The following ABTB3 variants were observed in gnomAD, a reference collection of about 807,000 sequenced individuals.
The protein encoded by ABTB3 is ankyrin repeat and BTB domain containing 3.
the ABTB3 span, among the ~76,000 whole-genome samples, chr12:107,609,641 GAAGT>G: frequency 1.5e-4 from 23 of 152,132 alleles, no homozygotes; most frequent in Admixed American, 1.4e-3. Context: ...CTTGCTCTCA[GAAGT>G]CCCCAGCCTA....
the ABTB3 span, among the ~76,000 whole-genome samples, chr12:107,596,571 CA>C: frequency 6.6e-6 from 1 of 152,104 alleles, no homozygotes; most frequent in South Asian, 2.1e-4. Context: ...GCTGAGATCG[CA>C]CTACCACACT....
chr12:107,640,172 T>C, the ABTB3 span: 5 of 556,248 alleles, frequency 9.0e-6, no homozygotes, highest in Non-Finnish European at 1.6e-5. Context: ...TCCTGTCTGC[T>C]GTTTGGTTGC....
the ABTB3 span, among the ~76,000 whole-genome samples, chr12:107,327,506 C>T: frequency 1.3e-5 from 2 of 152,174 alleles, no homozygotes; most frequent in Non-Finnish European, 2.9e-5. Flanking sequence ...CTTCTCTTTC[C>T]CTAGTACCTT....
the ABTB3 span, among the ~76,000 whole-genome samples, chr12:107,609,392 T>C: frequency 6.6e-6 from 1 of 152,252 alleles, no homozygotes; most frequent in Non-Finnish European, 1.5e-5. Context: ...CTTGATTCCA[T>C]TGATTCTCCT....
At chr12:107,327,810 G>A in the ABTB3 span, among the ~76,000 whole-genome samples, 6 of 152,108 alleles carry the variant, frequency 3.9e-5, no homozygotes, top group East Asian at 1.9e-4. Context: ...GAATCCTAAC[G>A]TCTTAGTGGC....
At chr12:107,328,731 G>A in the ABTB3 span, among the ~76,000 whole-genome samples, 1 of 152,210 alleles carries the variant, frequency 6.6e-6, no homozygotes, top group African/African-American at 2.4e-5. Flanking sequence ...CTACAAAGTG[G>A]TTGAGTTGGG....
the ABTB3 span, among the ~76,000 whole-genome samples, chr12:107,467,453 C>T: frequency 6.6e-6 from 1 of 152,160 alleles, no homozygotes; most frequent in African/African-American, 2.4e-5. Flanking sequence ...ACAGCCTTGG[C>T]ACCTTCTTGT....
the ABTB3 span, among the ~76,000 whole-genome samples, chr12:107,391,999 T>C: frequency 6.6e-6 from 1 of 152,240 alleles, no homozygotes; most frequent in Non-Finnish European, 1.5e-5. Context: ...GCTTGTTAGC[T>C]GTGCAGTCGA....
At chr12:107,361,836 A>G in the ABTB3 span, among the ~76,000 whole-genome samples, 1 of 152,242 alleles carries the variant, frequency 6.6e-6, no homozygotes, top group Middle Eastern at 3.4e-3. Context: ...ATTTTCCTCC[A>G]TGTGAGAGTA....
chr12:107,608,118 C>A, the ABTB3 span, among the ~76,000 whole-genome samples: 1 of 152,170 alleles, frequency 6.6e-6, no homozygotes, highest in Non-Finnish European at 1.5e-5. Context: ...GACACACCTG[C>A]CTCTGGGCAA....
chr12:107,637,129 G>T, the ABTB3 span, among the ~76,000 whole-genome samples: 1 of 152,204 alleles, frequency 6.6e-6, no homozygotes, highest in African/African-American at 2.4e-5. Context: ...CAGCCATTTT[G>T]CTAAGTGCTC....
the ABTB3 span, among the ~76,000 whole-genome samples, chr12:107,574,268 TCTCCTGGACCTGTGACCCCTTTTC>T: frequency 6.6e-6 from 1 of 152,180 alleles, no homozygotes; most frequent in African/African-American, 2.4e-5. Context: ...TATTCCATTG[TCTCCTGGACCTGTGACCCCTTTTC>T]CTCCCCAACT....
the ABTB3 span, among the ~76,000 whole-genome samples, chr12:107,431,384 G>A: frequency 6.6e-6 from 1 of 152,154 alleles, no homozygotes; most frequent in Admixed American, 6.5e-5. Flanking sequence ...GCCAAGGCAG[G>A]CAGATCATGA....
At chr12:107,539,909 C>G in the ABTB3 span, among the ~76,000 whole-genome samples, 1 of 152,204 alleles carries the variant, frequency 6.6e-6, no homozygotes, top group African/African-American at 2.4e-5. Context: ...CCATCTGCAG[C>G]TGCCCTTATG....
chr12:107,319,351 C>T, the ABTB3 span: 2 of 1,556,232 alleles, frequency 1.3e-6, no homozygotes, highest in Non-Finnish European at 1.7e-6. Context: ...CGCTGGTGAG[C>T]CGGGCGCTGG....
At chr12:107,633,672 G>T in the ABTB3 span, among the ~76,000 whole-genome samples, 1 of 152,180 alleles carries the variant, frequency 6.6e-6, no homozygotes, top group Non-Finnish European at 1.5e-5. Context: ...ACTGCTTGTG[G>T]TCTATGGAGC....
At chr12:107,358,131 C>T in the ABTB3 span, among the ~76,000 whole-genome samples, 5 of 152,190 alleles carry the variant, frequency 3.3e-5, no homozygotes, top group Admixed American at 3.3e-4. Context: ...GTGGAATCCA[C>T]ATTCTAGTGG....
the ABTB3 span, among the ~76,000 whole-genome samples, chr12:107,569,317 CA>C: frequency 6.6e-6 from 1 of 152,136 alleles, no homozygotes; most frequent in African/African-American, 2.4e-5. Flanking sequence ...TGTTCACTTG[CA>C]GAGAATTTTT....
the ABTB3 span, among the ~76,000 whole-genome samples, chr12:107,513,115 T>C: frequency 6.6e-6 from 1 of 152,196 alleles, no homozygotes; most frequent in Admixed American, 6.5e-5. Context: ...AATTTAAACA[T>C]GTAAAATGCT....
Sources: allele counts gnomAD v4.1 joint callset (sites outside exome capture counted in the v4.1 genomes callset), GRCh38; gene constraint gnomAD v4.1.1; transcripts MANE v1.5; gene names NCBI Gene and HGNC (gene_info 2026-07-23, HGNC 2026-07-21).